The following SLX4 variants were observed in gnomAD, a reference collection of about 807,000 sequenced individuals.
The protein encoded by SLX4 is structure-specific endonuclease subunit SLX4.
Under a neutral mutation model 146.2 loss-of-function variants are expected in SLX4, and 112 were observed. That is an observed-to-expected ratio of 0.77 (90% CI 0.66 to 0.90). The LOEUF (loss-of-function observed/expected upper bound fraction) is 0.90. Among genes scored for constraint, SLX4 ranks in the 40% least tolerant of loss-of-function variants. SLX4 has a pLI of 0.00. For missense variants in SLX4, 2,563 were observed against 2,392.7 expected (o/e 1.07, Z -1.49); for synonymous variants, 1,061 against 997.7 (o/e 1.06, Z -1.20).
At position 3,589,438 on chromosome 16, in the gene SLX4, A is replaced by G; in HGVS notation, c.4200T>C (p.Asp1400=). The stretch of plus-strand genomic sequence containing the variant: ...CCTGATGGGAGGCCACCTCCTGCTC[A>G]TCGTCACTGTCTCCGACTTCCACCA... ...GEVVEVGDSD[D]EQEVASHQAN... Residue 1400 remains aspartate, a synonymous_variant, in exon 12 of 15, where the codon GAT becomes GAC. Coordinates refer to ENST00000294008, the MANE Select transcript of SLX4 (RefSeq NM_032444.4). The surrounding 1 kb of genome is among the most constrained non-coding windows in gnomAD (Gnocchi z 6.2). The G allele has an allele frequency of 6.2e-7, 1 of 1,603,974 alleles. No individual in the cohort carries two copies. Among genetic ancestry groups the G allele is most frequent in the Non-Finnish European group, 8.5e-7 (1 of 1,172,200 alleles).
chr16:3,593,326 G>T (rs563606271), intron 10 of SLX4, among the ~76,000 whole-genome samples: 1 of 152,142 alleles, frequency 6.6e-6, no homozygotes, highest in South Asian at 2.1e-4. Context: ...CACCCTCCTC[G>T]GCCTCCCAAA....
chr16:3,589,727 A>C lies in SLX4; in HGVS notation c.3911T>G (p.Val1304Gly), dbSNP rs146837290. 20 of 1,613,868 alleles carry C rather than the reference A, an allele frequency of 1.2e-5. No homozygotes were observed. The African/African-American group carries it at 1.7e-4, about 14-fold the overall frequency. The stretch of plus-strand genomic sequence containing the variant: ...CCTGATGACAGAAAACTTCTGTGCG[A>C]CTTCGTTCCCTTCCCTGTTTCCTAC... Reference protein sequence around the residue: ...ASVGNREGNEVAQKFSVIRPQ... With the variant: ...ASVGNREGNEGAQKFSVIRPQ... Residue 1304 changes from valine (V) to glycine (G), a missense_variant, in exon 12 of 15, where the codon GTC becomes GGC. Transcript: ENST00000294008. This position sits in a 1 kb window ranked among gnomAD's most constrained non-coding sequence, Gnocchi z 6.2.
At position 3,595,629 on chromosome 16, in the gene SLX4, G is replaced by C; in HGVS notation, c.1989C>G (p.His663Gln). 6.2e-7 allele frequency: 1 copy of C among 1,614,028 alleles called. No homozygotes were observed. The highest frequency in any genetic ancestry group is 1.1e-5 in the South Asian group (1 of 91,076). ...CCAAGGTGCGGCCGCCCCTGTCCGG[G>C]TGCTTGTCCTGCGATGGCACCACAA... ...TGFVVPSQDK[H>Q]PDRGGRTLLS... is the part of the protein sequence containing the mutation. Residue 663 changes from histidine (H) to glutamine (Q), a missense_variant, in exon 9 of 15, where the codon CAC becomes CAG. His to Gln is a conservative substitution (Grantham distance 24, BLOSUM62 0). Transcript: ENST00000294008.
chr16:3,584,823 G>C lies in SLX4; in HGVS notation c.4685C>G (p.Pro1562Arg). The C allele has an allele frequency of 6.2e-7, 1 of 1,614,102 alleles. No homozygotes were observed. Among genetic ancestry groups the C allele is most frequent in the South Asian group, 1.1e-5 (1 of 91,088 alleles). The change falls in exon 13 of 15, where the codon CCG (proline) becomes CGG (arginine). Residue 1562 changes from proline to arginine, a missense_variant. Pro to Arg is a moderately radical substitution (Grantham distance 103, BLOSUM62 -2). Transcript: ENST00000294008. ...KNLPPKVPIT[P>R]MPQYSIMETP... Reference sequence around the variant, plus strand: ...CTCCATAATGGAATACTGTGGCATCGGCGTTATGGGCACTTTGGGGGGCAA... The same window carrying C: ...CTCCATAATGGAATACTGTGGCATCCGCGTTATGGGCACTTTGGGGGGCAA...
chr16:3,600,963 CT>C lies in SLX4; in HGVS notation c.1163+15del. The C allele has an allele frequency of 6.2e-7, 1 of 1,612,646 alleles. No individual in the cohort carries two copies. Among genetic ancestry groups the C allele is most frequent in the Non-Finnish European group, 8.5e-7 (1 of 1,179,924 alleles). On this transcript the variant is annotated intron_variant, in intron 5 of 14. Transcript: ENST00000294008. Reference sequence around the variant, plus strand: ...AGCATTATTTGGCTTGGTTTTCTTCCTTTTCGTCGACTTACCTGAACATGGG... The same window carrying C: ...AGCATTATTTGGCTTGGTTTTCTTCCTTTCGTCGACTTACCTGAACATGGG...
At chr16:3,596,617 G>C (rs889118089) in intron 7 of SLX4, among the ~76,000 whole-genome samples, 1 of 152,222 alleles carries the variant, frequency 6.6e-6, no homozygotes, top group Non-Finnish European at 1.5e-5. Context: ...CACGGCCAAG[G>C]CCAGGCCTGT....
chr16:3,590,783 G>A lies in SLX4; in HGVS notation c.2855C>T (p.Ala952Val), dbSNP rs78637028. ...GCTGGAGCAGCTGGAATGGCCAAGC[G>A]CCTCCTCTGGCGCCTCCTGCTCAGG... ...EAPEQEAPEEALGHSSCSSPS... is the reference protein window; with the variant it reads ...EAPEQEAPEEVLGHSSCSSPS... Residue 952 changes from alanine to valine, a missense_variant, in exon 12 of 15, where the codon GCG becomes GTG. Ala to Val is a moderately conservative substitution (Grantham distance 64). Coordinates refer to ENST00000294008, the MANE Select transcript of SLX4 (RefSeq NM_032444.4). This position sits in a 1 kb window ranked among gnomAD's most constrained non-coding sequence, Gnocchi z 4.8. The A allele has an allele frequency of 0.06, 97,208 of 1,613,928 alleles. 3,253 individuals are homozygous for A. The highest frequency in any genetic ancestry group is 0.066 in the Admixed American group (3,962 of 60,024).
intron 2 of SLX4, 131 bp downstream of exon 2, chr16:3,608,299 C>G: frequency 1.0e-6 from 1 of 978,378 alleles, no homozygotes; most frequent in South Asian, 1.3e-5. Context: ...TTGTCCACGC[C>G]TGCTTTCTCA....
At position 3,582,430 on chromosome 16, in the gene SLX4, ATAC is replaced by A; in HGVS notation, c.5414_5416del (p.Cys1805_Ile1806delinsPhe). On this transcript the variant is annotated inframe_deletion, in exon 15 of 15. Coordinates refer to ENST00000294008, the MANE Select transcript of SLX4 (RefSeq NM_032444.4). ...GCGGGTGGCGGCAGTGGTGAAGGTG[ATAC>A]AGTGGGTGTCCAGGAAGTCCAACAG... 2 of 1,613,874 alleles carry A rather than the reference ATAC, an allele frequency of 1.2e-6. No individual in the cohort carries two copies. Among genetic ancestry groups the A allele is most frequent in the South Asian group, 2.2e-5 (2 of 91,088 alleles).
chr16:3,601,576 C>G (rs913055722), intron 4 of SLX4: 6 of 348,496 alleles, frequency 1.7e-5, no homozygotes, highest in South Asian at 1.5e-4. Flanking sequence ...AAAGGATAAA[C>G]CATGGTCATA....
Position 3,596,191 on chromosome 16 carries a change from G to A in SLX4, c.1886C>T (p.Pro629Leu), listed in dbSNP as rs1264315677. Reference protein sequence around the residue: ...AREGLSASPWPGSGGLAGSEG... With the variant: ...AREGLSASPWLGSGGLAGSEG... The stretch of plus-strand genomic sequence containing the variant: ...CGAGCCAGCCAGGCCCCCACTGCCG[G>A]GCCACGGGCTGGCGCTCAGTCCCTC... Residue 629 changes from proline to leucine, a missense_variant, in exon 8 of 15, where the codon CCC becomes CTC. Coordinates refer to ENST00000294008, the MANE Select transcript of SLX4 (RefSeq NM_032444.4). 2 of 1,551,426 alleles carry A rather than the reference G, an allele frequency of 1.3e-6. No homozygotes were observed. The highest frequency in any genetic ancestry group is 8.7e-7 in the Non-Finnish European group (1 of 1,149,950).
rs375643423 is a variant in SLX4, at chr16:3,602,267, C to T, written c.801G>A (p.Ala267=). Residue 267 remains alanine, a synonymous_variant, in exon 4 of 15, where the codon GCG becomes GCA. Coordinates refer to ENST00000294008, the MANE Select transcript of SLX4 (RefSeq NM_032444.4). The part of the protein sequence containing the change: ...LGPPAPESDA[A]VALTLQQEFA... ...ACTCCTGCTGCAGGGTCAAGGCCAC[C>T]GCAGCGTCGCTCTCTGGGGCAGGGG... 3.0e-5 allele frequency: 49 copies of T among 1,614,032 alleles called. 1 individual carries two copies. In the Middle Eastern group the frequency reaches 4.9e-4, roughly 16 times the overall value.
At chr16:3,601,372 T>A (rs2040726032) in intron 4 of SLX4, 181 bp from the exon 5 acceptor site, 2 of 650,738 alleles carry the variant, frequency 3.1e-6, no homozygotes, top group South Asian at 3.5e-5. Flanking sequence ...CTTAGGTATC[T>A]GTCAGCAAAG....
chr16:3,603,631 G>A (rs183384605), intron 3 of SLX4, among the ~76,000 whole-genome samples: 2 of 152,372 alleles, frequency 1.3e-5, no homozygotes, highest in East Asian at 1.9e-4. Flanking sequence ...TAGGTCTGCC[G>A]ATAATGGTTT....
chr16:3,609,058 T>C lies in SLX4; in HGVS notation c.-94A>G. ...TCCTCTCTATAATGATTGAAGTATCTTTGTTCAAATTGGGCCTGTGGTTAA... is the reference window on the plus strand; with the variant it reads ...TCCTCTCTATAATGATTGAAGTATCCTTGTTCAAATTGGGCCTGTGGTTAA... On this transcript the variant is annotated 5_prime_UTR_variant, in exon 2 of 15. Transcript: ENST00000294008. The C allele has an allele frequency of 2.1e-6, 3 of 1,433,066 alleles. No individual in the cohort carries two copies. The highest frequency in any genetic ancestry group is 2.9e-6 in the Non-Finnish European group (3 of 1,051,982). The allele number at this position is 1,433,066 out of a possible 1,614,324, so 88.8% of individuals were successfully genotyped here.
In SLX4 at chr16:3,582,277, C is replaced by T. The variant is rs1279669938; in HGVS notation, c.*65G>A. On this transcript the variant is annotated 3_prime_UTR_variant, in exon 15 of 15. Coordinates refer to ENST00000294008, the MANE Select transcript of SLX4 (RefSeq NM_032444.4). ...TGACCCACGCTGGGTGTCCCAGGTC[C>T]TCCCTGCAAATGGCGGGGGTGGGGG... is the stretch of plus-strand genomic sequence containing the variant. 1.4e-6 allele frequency: 2 copies of T among 1,453,750 alleles called. No homozygotes were observed. Among genetic ancestry groups the T allele is most frequent in the Non-Finnish European group, 1.9e-6 (2 of 1,062,446 alleles). The allele number at this position is 1,453,750 out of a possible 1,614,324, so 90.1% of individuals were successfully genotyped here.
chr16:3,607,842 C>G (rs945025415), intron 2 of SLX4, among the ~76,000 whole-genome samples: 5 of 152,142 alleles, frequency 3.3e-5, no homozygotes. Context: ...ATTGGCTGGC[C>G]CAGTCCAACT....
rs138484365 is a variant in SLX4, at chr16:3,589,254, C to T, written c.4384G>A (p.Ala1462Thr). 12 of 1,604,038 alleles carry T rather than the reference C, an allele frequency of 7.5e-6. No homozygotes were observed. Among genetic ancestry groups the T allele is most frequent in the Non-Finnish European group, 9.4e-6 (11 of 1,173,554 alleles). The change falls in exon 12 of 15, where the codon GCC (alanine) becomes ACC (threonine). Residue 1462 changes from alanine (A) to threonine (T), a missense_variant. Ala to Thr is a moderately conservative substitution (Grantham distance 58, BLOSUM62 0). Coordinates refer to ENST00000294008, the MANE Select transcript of SLX4 (RefSeq NM_032444.4). This position sits in a 1 kb window ranked among gnomAD's most constrained non-coding sequence, Gnocchi z 6.2. ...GGGGAGCGACAGTCACGGCTGTCGG[C>T]GGCCTCGTTCATCCTGCGGCTGGGG... ...SSPSRRMNEA[A>T]DSRDCRSPGL...
At chr16:3,588,317 G>C (rs2040531664) in intron 12 of SLX4, among the ~76,000 whole-genome samples, 1 of 152,178 alleles carries the variant, frequency 6.6e-6, no homozygotes, top group African/African-American at 2.4e-5. Flanking sequence ...ATATCCATGA[G>C]TGCAGACAGT....
Sources: allele counts gnomAD v4.1 joint callset (sites outside exome capture counted in the v4.1 genomes callset), GRCh38; gene constraint gnomAD v4.1.1; non-coding constraint Gnocchi (gnomAD v3.1); transcripts MANE v1.5; gene names NCBI Gene and HGNC (gene_info 2026-07-23, HGNC 2026-07-21).